SYN3: variants seen among roughly 807,000 people sequenced by gnomAD.
SYN3 encodes the protein synapsin III, also known as synapsin-3.
Under a neutral mutation model 65.8 loss-of-function variants are expected in SYN3, and 35 were observed. That is an observed-to-expected ratio of 0.53 (90% CI 0.41 to 0.70). SYN3 has a LOEUF of 0.70. Among genes scored for constraint, SYN3 ranks in the 30% least tolerant of loss-of-function variants. The pLI, the probability that SYN3 is intolerant of heterozygous loss-of-function variation, is 0.00. For synonymous variants in SYN3, 270 were observed against 292.9 expected, an observed-to-expected ratio of 0.92 and a Z score of 0.80; for missense variants, 680 against 749.0, an observed-to-expected ratio of 0.91 and a Z score of 1.08.
At chr22:32,958,536 A>C (rs1436289981) in intron 3 of SYN3, among the ~76,000 whole-genome samples, 2 of 152,230 alleles carry the variant, frequency 1.3e-5, no homozygotes, top group African/African-American at 4.8e-5. Context: ...TTCCAGTGAC[A>C]ATATAATAAT....
chr22:32,845,130 T>C (rs748484047), intron 6 of SYN3, among the ~76,000 whole-genome samples: 43 of 152,104 alleles, frequency 2.8e-4, no homozygotes, highest in Non-Finnish European at 5.4e-4. Flanking sequence ...GAGGCTGAGA[T>C]TCACACTGAG....
chr22:32,831,229 G>A (rs946915224), intron 6 of SYN3, among the ~76,000 whole-genome samples: 3 of 152,130 alleles, frequency 2.0e-5, no homozygotes, highest in African/African-American at 7.2e-5. Context: ...ACCTTTTTCT[G>A]AGACTCTCAA....
intron 6 of SYN3, among the ~76,000 whole-genome samples, chr22:32,642,586 C>T (rs144057794): frequency 1.1e-4 from 17 of 151,964 alleles, no homozygotes; most frequent in Admixed American, 7.9e-4. Context: ...GGACTACAGG[C>T]GCCCCCACCA....
intron 4 of SYN3, among the ~76,000 whole-genome samples, chr22:32,919,406 G>A (rs2050275638): frequency 6.6e-6 from 1 of 152,184 alleles, no homozygotes; most frequent in South Asian, 2.1e-4. Context: ...AGGAGCTACT[G>A]TCTATTTCAT....
At chr22:32,576,664 T>A (rs1569056181) in intron 7 of SYN3, among the ~76,000 whole-genome samples, 1 of 152,156 alleles carries the variant, frequency 6.6e-6, no homozygotes, top group Non-Finnish European at 1.5e-5. Flanking sequence ...CCAAATTCAT[T>A]CAAGTCTGCC....
chr22:32,819,807 T>C (rs983507219), intron 6 of SYN3, among the ~76,000 whole-genome samples: 1 of 152,210 alleles, frequency 6.6e-6, no homozygotes, highest in African/African-American at 2.4e-5. Context: ...ATTAACTGGC[T>C]ATCTTGCTAT....
intron 6 of SYN3, among the ~76,000 whole-genome samples, chr22:32,747,890 C>T (rs544832951): frequency 3.3e-5 from 5 of 152,324 alleles, no homozygotes; most frequent in South Asian, 4.1e-4. Context: ...AGTACAGGTA[C>T]ACTGGCCACT....
At chr22:32,876,498 C>T (rs755603545) in intron 4 of SYN3, among the ~76,000 whole-genome samples, 4 of 151,532 alleles carry the variant, frequency 2.6e-5, no homozygotes, top group African/African-American at 7.3e-5. Flanking sequence ...GAGATTTGTT[C>T]GGATGGATGT....
chr22:32,768,836 T>G (rs1386002424), intron 6 of SYN3, among the ~76,000 whole-genome samples: 1 of 152,180 alleles, frequency 6.6e-6, no homozygotes, highest in Non-Finnish European at 1.5e-5. Context: ...AGATTCTCAG[T>G]GACGATGATT....
At chr22:32,514,286 C>G (rs1473783792) in intron 13 of SYN3, among the ~76,000 whole-genome samples, 2 of 152,182 alleles carry the variant, frequency 1.3e-5, no homozygotes, top group Non-Finnish European at 2.9e-5. Flanking sequence ...CTAGAACCTT[C>G]TCTGCTCTTT....
chr22:32,772,437 C>G (rs1234231990), intron 6 of SYN3, among the ~76,000 whole-genome samples: 1 of 151,844 alleles, frequency 6.6e-6, no homozygotes, highest in Admixed American at 6.6e-5. Flanking sequence ...CTCGGGCAAG[C>G]TTCCTTGTCC....
chr22:32,603,287 C>A (rs563992618), intron 6 of SYN3, among the ~76,000 whole-genome samples: 2 of 149,932 alleles, frequency 1.3e-5, no homozygotes, highest in Non-Finnish European at 3.0e-5. Flanking sequence ...CCAAGGCGGG[C>A]GGATCACAAG....
intron 7 of SYN3, among the ~76,000 whole-genome samples, chr22:32,572,154 G>A (rs555238876): frequency 1.3e-5 from 2 of 151,716 alleles, no homozygotes; most frequent in African/African-American, 2.4e-5. Flanking sequence ...AGGCTATGAC[G>A]TGATCTGAGG....
intron 6 of SYN3, among the ~76,000 whole-genome samples, chr22:32,671,146 G>A (rs1010760213): frequency 1.3e-5 from 2 of 151,774 alleles, no homozygotes; most frequent in African/African-American, 2.4e-5. Context: ...GCTTTTTTTC[G>A]TTTACAGAGG....
chr22:32,681,913 T>C (rs2060527393), intron 6 of SYN3, among the ~76,000 whole-genome samples: 1 of 147,798 alleles, frequency 6.8e-6, no homozygotes, highest in South Asian at 2.2e-4. Context: ...AGGTATGGGA[T>C]GGTGGACACA....
At chr22:32,524,798 A>G (rs962062963) in intron 12 of SYN3, among the ~76,000 whole-genome samples, 1 of 151,978 alleles carries the variant, frequency 6.6e-6, no homozygotes, top group African/African-American at 2.4e-5. Flanking sequence ...CTCACAAGGT[A>G]AGGAGTTCAA....
rs993666242 is a variant in SYN3, at chr22:32,868,090, G to T, written c.621+876C>A. On this transcript the variant is annotated intron_variant, in intron 5 of 13. Transcript: ENST00000358763. Reference sequence around the variant, plus strand: ...GAGCTTCCATCTCTGTAAAATGAAGGGTTGACACTCACTTCACACGAGAGC... The same window carrying T: ...GAGCTTCCATCTCTGTAAAATGAAGTGTTGACACTCACTTCACACGAGAGC... Among the ~76,000 whole-genome samples, 6 of 152,176 alleles carry T rather than the reference G, an allele frequency of 3.9e-5. No homozygotes were observed. In the East Asian group the frequency reaches 1.2e-3, roughly 29 times the overall value.
chr22:32,830,609 T>C (rs780099113), intron 6 of SYN3, among the ~76,000 whole-genome samples: 8 of 152,160 alleles, frequency 5.3e-5, no homozygotes, highest in East Asian at 1.9e-4. Context: ...GGAATAGATA[T>C]GCGAGTTAAA....
At chr22:32,685,647 GC>G in intron 6 of SYN3, among the ~76,000 whole-genome samples, 1 of 152,284 alleles carries the variant, frequency 6.6e-6, no homozygotes, top group Non-Finnish European at 1.5e-5. Context: ...TGTGTAGTAG[GC>G]TAGACTATCC....
Sources: allele counts gnomAD v4.1 joint callset (sites outside exome capture counted in the v4.1 genomes callset), GRCh38; gene constraint gnomAD v4.1.1; transcripts MANE v1.5; gene names NCBI Gene and HGNC (gene_info 2026-07-23, HGNC 2026-07-21).